MVB12A: variants seen among roughly 807,000 people sequenced by gnomAD.
MVB12A encodes the protein multivesicular body subunit 12A.
Under a neutral mutation model 34.3 loss-of-function variants are expected in MVB12A, and 30 were observed. That is an observed-to-expected ratio of 0.88 (90% CI 0.65 to 1.19). The LOEUF is 1.19. MVB12A is among the 50% of genes most tolerant of loss of function. The probability of loss-of-function intolerance (pLI) is 0.00; values close to 1 mark genes in which losing one functional copy is unlikely to be tolerated. For synonymous variants in MVB12A, 158 were observed against 158.9 expected, an observed-to-expected ratio of 0.99 and a Z score of 0.04; for missense variants, 355 against 369.2, an observed-to-expected ratio of 0.96 and a Z score of 0.31.
At chr19:17,420,756 G>A in intron 3 of MVB12A, 122 bp downstream of exon 3, 1 of 694,412 alleles carries the variant, frequency 1.4e-6, no homozygotes, top group Admixed American at 2.3e-5. Flanking sequence ...GGTGATGACA[G>A]GGTTGGCTGA....
intron 2 of MVB12A, among the ~76,000 whole-genome samples, chr19:17,408,799 G>A (rs1329905162): frequency 6.8e-6 from 1 of 146,642 alleles, no homozygotes; most frequent in Non-Finnish European, 1.5e-5. Context: ...ATATTGGTTG[G>A]TGCAAAAGTA....
At chr19:17,410,868 C>T (rs1176529655) in intron 2 of MVB12A, among the ~76,000 whole-genome samples, 1 of 131,432 alleles carries the variant, frequency 7.6e-6, no homozygotes, top group Non-Finnish European at 1.6e-5. Context: ...GCAGAGGTTG[C>T]AGTGCAGTGA....
intron 2 of MVB12A, among the ~76,000 whole-genome samples, chr19:17,409,894 G>A (rs1461551419): frequency 2.0e-5 from 3 of 151,798 alleles, no homozygotes; most frequent in Non-Finnish European, 4.4e-5. Flanking sequence ...GAGTAGCTGG[G>A]ATTACAGGTA....
At chr19:17,423,833 G>T in intron 6 of MVB12A, 34 bp downstream of exon 6, 1 of 1,601,224 alleles carries the variant, frequency 6.2e-7, no homozygotes, top group African/African-American at 1.3e-5. Context: ...AGGCGTGGAA[G>T]TGGAGGGTGT....
At position 17,420,065 on chromosome 19, in the gene MVB12A, C is replaced by A; in HGVS notation, c.-71C>A. The A allele has an allele frequency of 1.1e-6, 1 of 939,372 alleles. No individual in the cohort carries two copies. Among genetic ancestry groups the A allele is most frequent in the Non-Finnish European group, 1.4e-6 (1 of 740,478 alleles). The allele number at this position is 939,372 out of a possible 1,614,324, so 58.2% of individuals were successfully genotyped here. On this transcript the variant is annotated 5_prime_UTR_variant, in exon 1 of 9. The change creates a new upstream start codon in the 5' untranslated region. Transcript: ENST00000317040. ...GGGAGTTGTAGTTCGGTCGCGAGCGCTGCCGTCGGGAGGCGCTCCGAGGTT... is the reference window on the plus strand; with the variant it reads ...GGGAGTTGTAGTTCGGTCGCGAGCGATGCCGTCGGGAGGCGCTCCGAGGTT...
intron 4 of MVB12A, 87 bp downstream of exon 4, chr19:17,422,545 G>A (rs2074845031): frequency 1.5e-6 from 2 of 1,359,246 alleles, no homozygotes; most frequent in Non-Finnish European, 1.0e-6. Context: ...CACCCCTGAG[G>A]TCTCCTGTTC....
At chr19:17,410,496 T>TTATATATGTGTG (rs1568387298) in intron 2 of MVB12A, among the ~76,000 whole-genome samples, 5 of 31,510 alleles carry the variant, frequency 1.6e-4, no homozygotes, top group Admixed American at 4.4e-4. Context: ...GGTTTTAGCT[T>TTATATATGTGTG]CATATATATA....
intron 3 of MVB12A, among the ~76,000 whole-genome samples, chr19:17,421,590 A>G (rs2074839070): frequency 6.6e-6 from 1 of 152,146 alleles, no homozygotes; most frequent in Admixed American, 6.6e-5. Context: ...TTGCATATTC[A>G]ATTTTTTTAC....
intron 3 of MVB12A, chr19:17,422,033 GT>G (rs2074841605): frequency 8.0e-6 from 2 of 248,762 alleles, no homozygotes. Flanking sequence ...CTCATGGAAA[GT>G]AAGTTTTGAG....
chr19:17,417,901 CT>C (rs35259022), upstream of MVB12A: 139,989 of 237,096 alleles, frequency 0.59, 36,766 homozygotes, highest in Non-Finnish European at 0.68. Flanking sequence ...CTTCTTCTTC[CT>C]TTTTTTTTTT....
chr19:17,413,652 G>A (rs764313821), intron 2 of MVB12A, among the ~76,000 whole-genome samples: 1 of 152,112 alleles, frequency 6.6e-6, no homozygotes, highest in Non-Finnish European at 1.5e-5. Flanking sequence ...CAAGGATGCA[G>A]TGAGCCATGT....
In MVB12A at chr19:17,424,609, T is replaced by C; in HGVS notation, c.703-12T>C. 1.2e-6 allele frequency: 2 copies of C among 1,610,138 alleles called. No individual in the cohort carries two copies. The highest frequency in any genetic ancestry group is 1.7e-6 in the Non-Finnish European group (2 of 1,178,314). ...AGATCGGGCCCAAGGCTGACCCACC[T>C]CTGCCCGCCAGGCCTTCTCTGCTTT... On this transcript the variant is annotated splice_polypyrimidine_tract_variant and intron_variant, in intron 7 of 8. Transcript: ENST00000317040.
At chr19:17,422,178 T>C (rs1256762351) in intron 3 of MVB12A, 154 bp from the exon 4 acceptor site, 4 of 596,776 alleles carry the variant, frequency 6.7e-6, no homozygotes, top group African/African-American at 1.9e-5. Flanking sequence ...ATCTATACCA[T>C]TCATGATTTA....
chr19:17,421,027 C>T (rs2074835390), intron 3 of MVB12A: 8 of 469,072 alleles, frequency 1.7e-5, no homozygotes, highest in South Asian at 7.7e-5. Context: ...CATTCTCCGT[C>T]CTCCGTCAGA....
In MVB12A at chr19:17,420,525, C is replaced by G. The variant is rs1276457227; in HGVS notation, c.190-13C>G. 4 of 1,607,258 alleles carry G rather than the reference C, an allele frequency of 2.5e-6. No individual in the cohort carries two copies. In the African/African-American group the frequency reaches 4.0e-5, roughly 16 times the overall value. ...TGCTAGCCACCCTCGCCGTGTCCCC[C>G]TTCCACCCCCAGAACCCGCAGGAGA... On this transcript the variant is annotated splice_polypyrimidine_tract_variant and intron_variant, in intron 2 of 8. Coordinates refer to ENST00000317040, the MANE Select transcript of MVB12A (RefSeq NM_138401.4).
At position 17,424,916 on chromosome 19, in the gene MVB12A, C is replaced by CT; in HGVS notation, c.760-14dup. ...ACTCTGGCACCTGTTCACTCTCTCT[C>CT]TCCCCATCCCCCAGTATAACTACGG... On this transcript the variant is annotated splice_polypyrimidine_tract_variant and intron_variant, in intron 8 of 8. Coordinates refer to ENST00000317040, the MANE Select transcript of MVB12A (RefSeq NM_138401.4). The CT allele has an allele frequency of 5.0e-6, 8 of 1,595,524 alleles. No homozygotes were observed. The highest frequency in any genetic ancestry group is 6.8e-6 in the Non-Finnish European group (8 of 1,169,640).
At position 17,420,520 on chromosome 19, in the gene MVB12A, T is replaced by TC; in HGVS notation, c.190-13dup. The TC allele has an allele frequency of 6.2e-7, 1 of 1,601,100 alleles. No individual in the cohort carries two copies. Among genetic ancestry groups the TC allele is most frequent in the Non-Finnish European group, 8.6e-7 (1 of 1,168,380 alleles). The stretch of plus-strand genomic sequence containing the variant: ...CCCGCTGCTAGCCACCCTCGCCGTG[T>TC]CCCCCTTCCACCCCCAGAACCCGCA... On this transcript the variant is annotated splice_polypyrimidine_tract_variant and intron_variant, in intron 2 of 8. Coordinates refer to ENST00000317040, the MANE Select transcript of MVB12A (RefSeq NM_138401.4).
chr19:17,420,597 G>C lies in MVB12A; in HGVS notation c.249G>C (p.Pro83=). Reference sequence around the variant, plus strand: ...TCGTGGTGGACAAGAGCCCCCTGCCGCTGGGCTTCTCCCCCGTCTGCGACC... The same window carrying C: ...TCGTGGTGGACAAGAGCCCCCTGCCCCTGGGCTTCTCCCCCGTCTGCGACC... The part of the protein sequence containing the change: ...IQIVVDKSPL[P]LGFSPVCDPM... The change falls in exon 3 of 9, where the codon CCG becomes CCC. Residue 83 remains proline, a synonymous_variant. Coordinates refer to ENST00000317040, the MANE Select transcript of MVB12A (RefSeq NM_138401.4). The C allele has an allele frequency of 6.2e-7, 1 of 1,613,926 alleles. No individual in the cohort carries two copies. Among genetic ancestry groups the C allele is most frequent in the Non-Finnish European group, 8.5e-7 (1 of 1,179,828 alleles).
chr19:17,408,913 C>T (rs1425408065), intron 2 of MVB12A, among the ~76,000 whole-genome samples: 2 of 148,302 alleles, frequency 1.3e-5, no homozygotes. Context: ...ACTACAACCT[C>T]TGCCTCCTGG....
Sources: allele counts gnomAD v4.1 joint callset (sites outside exome capture counted in the v4.1 genomes callset), GRCh38; gene constraint gnomAD v4.1.1; transcripts MANE v1.5; gene names NCBI Gene and HGNC (gene_info 2026-07-23, HGNC 2026-07-21).